The following TFIP11 variants were observed in gnomAD, a reference collection of about 807,000 sequenced individuals.
The protein encoded by TFIP11 is tuftelin-interacting protein 11.
Under a neutral mutation model 96.8 loss-of-function variants are expected in TFIP11, and 86 were observed. The ratio of observed to expected loss-of-function variants is 0.89; its 90% CI spans 0.75 to 1.06. TFIP11 has a LOEUF of 1.06. Ranked by LOEUF, TFIP11 falls within the 50% of genes least tolerant of loss-of-function variation. TFIP11 has a pLI of 0.00. For synonymous variants in TFIP11, 405 were observed against 395.2 expected (o/e 1.02, Z -0.29); for missense variants, 881 against 1,076.7 (o/e 0.82, Z 2.54).
intron 8 of TFIP11, 41 bp downstream of exon 8, chr22:26,501,859 G>A: frequency 6.5e-7 from 1 of 1,536,596 alleles, no homozygotes; most frequent in Non-Finnish European, 8.8e-7. Context: ...GATTATTTCT[G>A]GGGTGTGGAT....
At chr22:26,497,606 G>A (rs563434897) in intron 10 of TFIP11, among the ~76,000 whole-genome samples, 8 of 152,300 alleles carry the variant, frequency 5.3e-5, no homozygotes, top group Middle Eastern at 6.8e-3. Context: ...GGCTGGGCAC[G>A]GAGGCTCACG....
intron 3 of TFIP11, 112 bp from the exon 4 acceptor site, chr22:26,510,393 G>T: frequency 1.0e-6 from 1 of 964,900 alleles, no homozygotes; most frequent in Non-Finnish European, 1.6e-6. Flanking sequence ...CAAATTCAAA[G>T]TCCATTAAAG....
chr22:26,497,269 G>A lies in TFIP11; in HGVS notation c.1437-380C>T, dbSNP rs139372779. On this transcript the variant is annotated intron_variant, in intron 10 of 14. Coordinates refer to ENST00000407690, the MANE Select transcript of TFIP11 (RefSeq NM_012143.4). ...CCCTAAGACCTCTGTGCCAACCCCCGTTCCAAGTAGGTTGCTCCTGCAGTT... is the reference window on the plus strand; with the variant it reads ...CCCTAAGACCTCTGTGCCAACCCCCATTCCAAGTAGGTTGCTCCTGCAGTT... 2.0e-3 allele frequency among the ~76,000 whole-genome samples: 300 copies of A among 152,196 alleles called. 1 individual carries two copies. Among genetic ancestry groups the A allele is most frequent in the Non-Finnish European group, 3.2e-3 (218 of 68,004 alleles).
At position 26,499,029 on chromosome 22, in the gene TFIP11, C is replaced by A. The variant is rs1323711425; in HGVS notation, c.1330-54G>T. On this transcript the variant is annotated intron_variant, in intron 9 of 14. Coordinates refer to ENST00000407690, the MANE Select transcript of TFIP11 (RefSeq NM_012143.4). ...CAGCGGGCTCTCCAGCCCTCCCTGCCCATTGAACCAACTCATCAAGCAAGG... is the reference window on the plus strand; with the variant it reads ...CAGCGGGCTCTCCAGCCCTCCCTGCACATTGAACCAACTCATCAAGCAAGG... The A allele has an allele frequency of 3.2e-5, 52 of 1,610,350 alleles. 1 individual carries two copies. In the South Asian group the frequency reaches 5.2e-4, roughly 16 times the overall value.
intron 10 of TFIP11, 33 bp downstream of exon 10, chr22:26,498,836 A>T (rs1418071536): frequency 6.4e-7 from 1 of 1,553,080 alleles, no homozygotes; most frequent in East Asian, 2.2e-5. Flanking sequence ...AGGAGAAAGG[A>T]GCTGGGGTAC....
chr22:26,499,244 G>C lies in TFIP11; in HGVS notation c.1189C>G (p.Leu397Val), dbSNP rs1922450709. The C allele has an allele frequency of 1.2e-6, 2 of 1,613,880 alleles. No individual in the cohort carries two copies. The highest frequency in any genetic ancestry group is 1.7e-5 in the Admixed American group (1 of 59,980). The change falls in exon 9 of 15, where the codon CTG (leucine) becomes GTG (valine). Residue 397 changes from leucine to valine, a missense_variant. By Grantham distance (32) the Leu-to-Val change is conservative. Transcript: ENST00000407690. ...MQPDCSNPLT[L>V]DECARIFETL... ...TCGAAGATGCGGGCACACTCGTCCA[G>C]GGTGAGGGGGTTGCTGCAGTCGGGC...
chr22:26,496,012 A>G, intron 12 of TFIP11, 61 bp downstream of exon 12: 1 of 1,582,830 alleles, frequency 6.3e-7, no homozygotes, highest in Non-Finnish European at 8.6e-7. Context: ...CATCACTGCT[A>G]ACCACAGAAA....
chr22:26,497,077 T>C (rs1013996823), intron 10 of TFIP11, among the ~76,000 whole-genome samples, 188 bp from the exon 11 acceptor site: 1 of 152,108 alleles, frequency 6.6e-6, no homozygotes, highest in Non-Finnish European at 1.5e-5. Flanking sequence ...CTCTTGACTC[T>C]CCTCTCAATC....
chr22:26,507,022 T>TA (rs1923505251), intron 4 of TFIP11, 94 bp from the exon 5 acceptor site: 2 of 1,406,708 alleles, frequency 1.4e-6, no homozygotes, highest in East Asian at 2.3e-5. Context: ...GAAGACTCCT[T>TA]AGAGTGAATC....
chr22:26,511,645 T>C (rs944932979), intron 2 of TFIP11: 14 of 152,182 alleles, frequency 9.2e-5, no homozygotes, highest in Non-Finnish European at 1.2e-4. Flanking sequence ...CACTACACAA[T>C]AATACACTCC....
chr22:26,503,558 G>T, intron 7 of TFIP11, 108 bp downstream of exon 7: 3 of 1,394,060 alleles, frequency 2.2e-6, no homozygotes, highest in South Asian at 1.4e-5. Context: ...CCTGGCATAC[G>T]GTACATGTAC....
In TFIP11 at chr22:26,495,260, C is replaced by CTTTTTTTTTT. The variant is rs150268332; in HGVS notation, c.1850-331_1850-322dup. 1.4e-4 allele frequency among the ~76,000 whole-genome samples: 8 copies of CTTTTTTTTTT among 59,176 alleles called. 1 individual carries two copies. Among genetic ancestry groups the CTTTTTTTTTT allele is most frequent in the African/African-American group, 3.0e-4 (4 of 13,516 alleles). The allele number at this position is 59,176 out of a possible 152,430, so 38.8% of individuals were successfully genotyped here. On this transcript the variant is annotated intron_variant, in intron 12 of 14. Coordinates refer to ENST00000407690, the MANE Select transcript of TFIP11 (RefSeq NM_012143.4). The stretch of plus-strand genomic sequence containing the variant: ...TACAGGCATAAGTCACAACTCCTGG[C>CTTTTTTTTTT]TTTTTTTTTTTTTTTTTTTTTTTTT...
chr22:26,491,412 G>C lies in TFIP11; in HGVS notation c.*601C>G. 1 of 1,366,314 alleles carries C rather than the reference G, an allele frequency of 7.3e-7. No individual in the cohort carries two copies. The highest frequency in any genetic ancestry group is 1.0e-6 in the Non-Finnish European group (1 of 973,556). The allele number at this position is 1,366,314 out of a possible 1,614,324, so 84.6% of individuals were successfully genotyped here. A position where few individuals can be genotyped will look rare whatever the true frequency, so the allele number is the denominator to read the frequency against. On this transcript the variant is annotated 3_prime_UTR_variant, in exon 15 of 15. Transcript: ENST00000407690. ...AAGTGGAAATTTATCCCAGAAGAGT[G>C]GGGATTACTGTGACTATCTGAAGTT...
chr22:26,496,084 A>G lies in TFIP11; in HGVS notation c.1838T>C (p.Val613Ala). 6.2e-7 allele frequency: 1 copy of G among 1,613,732 alleles called. No homozygotes were observed. The highest frequency in any genetic ancestry group is 8.5e-7 in the Non-Finnish European group (1 of 1,179,980). ...SWEAFMVKNIVPKLGMCLGEL... is the reference protein window; with the variant it reads ...SWEAFMVKNIAPKLGMCLGEL... The stretch of plus-strand genomic sequence containing the variant: ...CCCCTTATCCTTACCCAGCTTGGGC[A>G]CTATGTTTTTGACCATGAATGCTTC... Residue 613 changes from valine to alanine, a missense_variant, in exon 12 of 15, where the codon GTG becomes GCG. Transcript: ENST00000407690.
chr22:26,506,301 A>T lies in TFIP11; in HGVS notation c.520+2T>A. The T allele has an allele frequency of 2.5e-6, 4 of 1,603,850 alleles. No homozygotes were observed. The highest frequency in any genetic ancestry group is 3.4e-6 in the Non-Finnish European group (4 of 1,176,624). On this transcript the variant is annotated splice_donor_variant, in intron 6 of 14. Transcript: ENST00000407690. LOFTEE classifies it high-confidence loss of function. The stretch of plus-strand genomic sequence containing the variant: ...TCATGCAAGACGACAAAGGTGCAAT[A>T]CCTTGTGCATTCTTCCCGAGGCCCC...
In TFIP11 at chr22:26,499,599, G is replaced by A. The variant is rs1922527407; in HGVS notation, c.834C>T (p.Val278=). The part of the protein sequence containing the change: ...VIDMTGREQK[V]YYSYSQISHK... ...GGCTGATCTGACTGTAGCTGTAGTA[G>A]ACCTTCTGCTCCCGGCCTGTCATGT... Residue 278 remains valine, a synonymous_variant, in exon 9 of 15, where the codon GTC becomes GTT. Coordinates refer to ENST00000407690, the MANE Select transcript of TFIP11 (RefSeq NM_012143.4). 6.2e-7 allele frequency: 1 copy of A among 1,613,472 alleles called. No individual in the cohort carries two copies. Among genetic ancestry groups the A allele is most frequent in the Non-Finnish European group, 8.5e-7 (1 of 1,179,796 alleles).
chr22:26,510,201 A>G lies in TFIP11; in HGVS notation c.72T>C (p.Phe24=), dbSNP rs778835958. The G allele has an allele frequency of 6.2e-7, 1 of 1,614,188 alleles. No individual in the cohort carries two copies. Among genetic ancestry groups the G allele is most frequent in the African/African-American group, 1.3e-5 (1 of 75,048 alleles). Residue 24 remains phenylalanine (F), a synonymous_variant, in exon 4 of 15, where the codon TTT becomes TTC. Transcript: ENST00000407690. ...TCTGGAGATCCCAGTCAGTGATCTC[A>G]AAGTTCTCCCGCTCGTCATCATCAT... is the stretch of plus-strand genomic sequence containing the variant. ...IDDDDDEREN[F]EITDWDLQNE...
chr22:26,495,567 T>C (rs1283555182), intron 12 of TFIP11, among the ~76,000 whole-genome samples: 4 of 74,106 alleles, frequency 5.4e-5, no homozygotes, highest in African/African-American at 1.6e-4. Context: ...TATATACACA[T>C]ATATATATGT....
chr22:26,511,992 G>C (rs757738114), intron 2 of TFIP11, 107 bp downstream of exon 2: 4 of 152,210 alleles, frequency 2.6e-5, no homozygotes, highest in Non-Finnish European at 4.4e-5. Context: ...CTGGTCGCTT[G>C]AGACCGATTA....
Sources: allele counts gnomAD v4.1 joint callset (sites outside exome capture counted in the v4.1 genomes callset), GRCh38; gene constraint gnomAD v4.1.1; transcripts MANE v1.5; gene names NCBI Gene and HGNC (gene_info 2026-07-23, HGNC 2026-07-21).